MECOM: variants seen among roughly 807,000 people sequenced by gnomAD.
MECOM encodes MDS1 and EVI1 complex locus, also known as histone-lysine N-methyltransferase MECOM.
In MECOM, 13 loss-of-function variants were observed where a neutral mutation model predicts 116.3. That is an observed-to-expected ratio of 0.11 (90% confidence interval 0.07 to 0.18). MECOM has a LOEUF of 0.18. Among genes scored for constraint, MECOM ranks in the 10% least tolerant of loss-of-function variants. MECOM has a pLI of 1.00. For synonymous variants in MECOM, 528 were observed against 535.2 expected, an observed-to-expected ratio of 0.99 and a Z score of 0.19; for missense variants, 1,299 against 1,509.0, an observed-to-expected ratio of 0.86 and a Z score of 2.31.
chr3:169,363,698 C>T (rs962287721), intron 2 of MECOM, among the ~76,000 whole-genome samples: 9 of 151,724 alleles, frequency 5.9e-5, no homozygotes, highest in African/African-American at 1.9e-4. Flanking sequence ...TCAGCCTGGC[C>T]GAAAAACTGT....
chr3:169,568,125 A>G (rs1188173895), intron 1 of MECOM, among the ~76,000 whole-genome samples: 1 of 151,794 alleles, frequency 6.6e-6, no homozygotes, highest in Admixed American at 6.6e-5. Context: ...GGGTCGGGGA[A>G]CTCCCTTCTC....
chr3:169,621,118 C>G (rs1770665254), intron 1 of MECOM, among the ~76,000 whole-genome samples: 1 of 152,196 alleles, frequency 6.6e-6, no homozygotes. Context: ...ATAAACCAAC[C>G]TTATAAAGAA....
intron 4 of MECOM, among the ~76,000 whole-genome samples, chr3:169,129,419 T>TA (rs1553848988): frequency 6.6e-6 from 1 of 151,464 alleles, no homozygotes; most frequent in African/African-American, 2.4e-5. Flanking sequence ...AGAAGAATTT[T>TA]CCCAGTTTCA....
chr3:169,368,555 C>T (rs948381885), intron 2 of MECOM, among the ~76,000 whole-genome samples: 1 of 151,944 alleles, frequency 6.6e-6, no homozygotes, highest in African/African-American at 2.4e-5. Flanking sequence ...TTTGATGAAA[C>T]AACTAGGGAG....
intron 1 of MECOM, among the ~76,000 whole-genome samples, chr3:169,645,649 C>T (rs537452700): frequency 2.0e-4 from 31 of 152,302 alleles, no homozygotes; most frequent in South Asian, 4.1e-4. Context: ...TCATCTATTG[C>T]GGCTACAAAG....
intron 1 of MECOM, among the ~76,000 whole-genome samples, chr3:169,662,670 G>A (rs1028355433): frequency 6.8e-6 from 1 of 147,744 alleles, no homozygotes; most frequent in Admixed American, 6.8e-5. Flanking sequence ...GAGCATGGCC[G>A]AGCGCACAGC....
intron 1 of MECOM, among the ~76,000 whole-genome samples, chr3:169,466,049 A>G (rs1040347154): frequency 1.4e-4 from 22 of 152,076 alleles, no homozygotes; most frequent in Admixed American, 1.0e-3. Flanking sequence ...CTTTGATTCT[A>G]AAGTTGTATT....
At chr3:169,370,341 C>A (rs1313252238) in intron 2 of MECOM, among the ~76,000 whole-genome samples, 1 of 151,908 alleles carries the variant, frequency 6.6e-6, no homozygotes, top group African/African-American at 2.4e-5. Context: ...AAATTTGACC[C>A]TTACTTATCG....
chr3:169,490,801 T>C (rs982693938), intron 1 of MECOM, among the ~76,000 whole-genome samples: 9 of 151,984 alleles, frequency 5.9e-5, no homozygotes, highest in Non-Finnish European at 8.8e-5. Context: ...CAAAAGAGAG[T>C]TTGTTAGTAG....
chr3:169,571,996 T>G (rs559438669), intron 1 of MECOM, among the ~76,000 whole-genome samples: 3 of 152,250 alleles, frequency 2.0e-5, no homozygotes, highest in Admixed American at 2.0e-4. Context: ...AAATAGGATC[T>G]AATTAAACTA....
chr3:169,121,535 T>C (rs1731028888), intron 6 of MECOM, among the ~76,000 whole-genome samples: 1 of 152,186 alleles, frequency 6.6e-6, no homozygotes, highest in Non-Finnish European at 1.5e-5. Context: ...GTTAAGCCAT[T>C]ATTAAAACTG....
chr3:169,302,953 A>G (rs1000307798), intron 2 of MECOM, among the ~76,000 whole-genome samples: 1 of 152,218 alleles, frequency 6.6e-6, no homozygotes, highest in African/African-American at 2.4e-5. Context: ...GAACAGAGCC[A>G]AAACCTAAAC....
intron 2 of MECOM, among the ~76,000 whole-genome samples, chr3:169,195,420 A>G (rs959732536): frequency 6.6e-6 from 1 of 152,122 alleles, no homozygotes; most frequent in Non-Finnish European, 1.5e-5. Flanking sequence ...TCTTTAGACA[A>G]TTTTTAGAAT....
At chr3:169,138,531 A>G (rs753071271) in intron 3 of MECOM, among the ~76,000 whole-genome samples, 2 of 152,180 alleles carry the variant, frequency 1.3e-5, no homozygotes, top group South Asian at 4.1e-4. Flanking sequence ...TCACAAAGCC[A>G]GTCTCTGGGT....
chr3:169,456,821 C>T (rs62294348), intron 1 of MECOM, among the ~76,000 whole-genome samples: 9,647 of 152,226 alleles, frequency 0.063, 318 homozygotes, highest in African/African-American at 0.081. Flanking sequence ...TAGTAATAAA[C>T]AAACTACTAA....
intron 2 of MECOM, among the ~76,000 whole-genome samples, chr3:169,373,652 T>A (rs1262676488): frequency 1.3e-5 from 2 of 152,016 alleles, no homozygotes; most frequent in African/African-American, 4.8e-5. Flanking sequence ...AATAATCACA[T>A]CATGGAAAAT....
At chr3:169,360,223 A>C (rs914858183) in intron 2 of MECOM, among the ~76,000 whole-genome samples, 1 of 150,502 alleles carries the variant, frequency 6.6e-6, no homozygotes, top group Non-Finnish European at 1.5e-5. Flanking sequence ...TGTAAGAAAA[A>C]AGCTCCTTTC....
intron 2 of MECOM, among the ~76,000 whole-genome samples, chr3:169,347,932 A>G (rs1195983471): frequency 2.0e-5 from 3 of 152,040 alleles, no homozygotes; most frequent in African/African-American, 4.8e-5. Context: ...CCATGAAGAC[A>G]TTCGATTCCA....
intron 1 of MECOM, among the ~76,000 whole-genome samples, chr3:169,413,487 TTTA>T (rs1380873490): frequency 4.6e-3 from 198 of 43,306 alleles, no homozygotes; most frequent in African/African-American, 0.023. Flanking sequence ...TGTTTTTTTT[TTTA>T]TTTTTTTTTT....
Sources: allele counts gnomAD v4.1 joint callset (sites outside exome capture counted in the v4.1 genomes callset), GRCh38; gene constraint gnomAD v4.1.1; transcripts MANE v1.5; gene names NCBI Gene and HGNC (gene_info 2026-07-23, HGNC 2026-07-21).